The following STAG1 variants were observed in gnomAD, a reference collection of about 807,000 sequenced individuals.
STAG1 encodes the protein STAG1 cohesin complex component, also known as cohesin subunit SA-1.
STAG1 carries 26 observed loss-of-function variants against 170.9 expected under a neutral mutation model. The ratio of observed to expected loss-of-function variants is 0.15; its 90% CI spans 0.11 to 0.21. The LOEUF is 0.21. STAG1 is among the 10% of genes least tolerant of loss of function. The pLI is 1.00. For missense variants in STAG1, 964 were observed against 1,509.5 expected (o/e 0.64, Z 5.99); for synonymous variants, 514 against 497.7 (o/e 1.03, Z -0.44).
intron 12 of STAG1, among the ~76,000 whole-genome samples, chr3:136,470,703 T>C (rs1337644154): frequency 6.6e-6 from 1 of 152,202 alleles, no homozygotes; most frequent in African/African-American, 2.4e-5. Flanking sequence ...ATTGCGGCAC[T>C]ATTCACAATA....
At chr3:136,612,363 T>C (rs1003522177) in intron 3 of STAG1, among the ~76,000 whole-genome samples, 1 of 151,896 alleles carries the variant, frequency 6.6e-6, no homozygotes, top group Non-Finnish European at 1.5e-5. Context: ...TCCCCGTACA[T>C]TGAGAGGACA....
intron 20 of STAG1, among the ~76,000 whole-genome samples, chr3:136,420,528 A>T (rs2087921640): frequency 6.6e-6 from 1 of 152,170 alleles, no homozygotes; most frequent in Admixed American, 6.5e-5. Context: ...AATGTCAAAC[A>T]CAACAATCAG....
chr3:136,641,689 T>C (rs1181760358), intron 1 of STAG1, among the ~76,000 whole-genome samples: 7 of 152,306 alleles, frequency 4.6e-5, no homozygotes, highest in Admixed American at 2.0e-4. Flanking sequence ...AAAACTAAAC[T>C]CGTGTGATCA....
At chr3:136,364,517 T>G (rs892833422) in intron 25 of STAG1, among the ~76,000 whole-genome samples, 5 of 151,316 alleles carry the variant, frequency 3.3e-5, no homozygotes, top group Admixed American at 6.6e-5. Context: ...TGGGCCTAAA[T>G]AGGGGGAAGG....
chr3:136,378,971 A>C (rs577416052), intron 22 of STAG1, among the ~76,000 whole-genome samples: 309 of 152,328 alleles, frequency 2.0e-3, no homozygotes, highest in Non-Finnish European at 3.3e-3. Context: ...AGATGACAGC[A>C]CTTAGTCTTT....
At chr3:136,667,376 C>T (rs1376239071) in intron 1 of STAG1, among the ~76,000 whole-genome samples, 1 of 151,830 alleles carries the variant, frequency 6.6e-6, no homozygotes, top group Non-Finnish European at 1.5e-5. Flanking sequence ...AGCAAAACCC[C>T]ATCTCTTAAC....
intron 25 of STAG1, among the ~76,000 whole-genome samples, chr3:136,365,290 T>C (rs1338987204): frequency 6.6e-6 from 1 of 152,124 alleles, no homozygotes; most frequent in Non-Finnish European, 1.5e-5. Flanking sequence ...GGAACTGACA[T>C]CCAGGTTTAG....
At chr3:136,629,351 G>C (rs1166571466) in intron 2 of STAG1, among the ~76,000 whole-genome samples, 1 of 152,040 alleles carries the variant, frequency 6.6e-6, no homozygotes, top group African/African-American at 2.4e-5. Context: ...CATAAGACCT[G>C]AGCTAAGACT....
chr3:136,419,066 G>A (rs1364507719), intron 20 of STAG1, among the ~76,000 whole-genome samples: 1 of 152,174 alleles, frequency 6.6e-6, no homozygotes, highest in Non-Finnish European at 1.5e-5. Flanking sequence ...GGAAAAATGG[G>A]AAAGCTCAAA....
At chr3:136,367,137 A>C in intron 24 of STAG1, 55 bp from the exon 25 acceptor site, 2 of 1,380,072 alleles carry the variant, frequency 1.4e-6, no homozygotes, top group South Asian at 2.8e-5. Flanking sequence ...CACGTAAAAC[A>C]ATGCAGATAA....
intron 22 of STAG1, among the ~76,000 whole-genome samples, chr3:136,384,262 C>T (rs571419510): frequency 1.1e-3 from 162 of 151,466 alleles, no homozygotes; most frequent in African/African-American, 3.7e-3. Context: ...ACCAGCCTGG[C>T]CAACATGGCA....
chr3:136,639,185 G>GAAAAAAAA (rs10681540), intron 1 of STAG1, among the ~76,000 whole-genome samples: 8 of 115,622 alleles, frequency 6.9e-5, no homozygotes, highest in African/African-American at 8.8e-5. Context: ...AAAGAAAAAA[G>GAAAAAAAA]AAAAGAAAAA....
intron 1 of STAG1, among the ~76,000 whole-genome samples, chr3:136,749,112 C>A (rs1253086903): frequency 6.6e-6 from 1 of 152,068 alleles, no homozygotes; most frequent in Non-Finnish European, 1.5e-5. Flanking sequence ...GTGGGAGAGA[C>A]CTGTAGATAT....
At chr3:136,620,579 A>C (rs1033658482) in intron 3 of STAG1, among the ~76,000 whole-genome samples, 1 of 152,216 alleles carries the variant, frequency 6.6e-6, no homozygotes, top group African/African-American at 2.4e-5. Flanking sequence ...TCATAACACT[A>C]GTGTGAGGAT....
At chr3:136,470,870 A>G (rs1559823748) in intron 12 of STAG1, among the ~76,000 whole-genome samples, 1 of 152,136 alleles carries the variant, frequency 6.6e-6, no homozygotes, top group Non-Finnish European at 1.5e-5. Flanking sequence ...ATTCTCAGGA[A>G]ACTATCACAA....
chr3:136,551,268 C>CGAGA (rs1936388867), intron 5 of STAG1, among the ~76,000 whole-genome samples: 1 of 79,584 alleles, frequency 1.3e-5, no homozygotes, highest in African/African-American at 4.9e-5. Flanking sequence ...AGAGGGAGAG[C>CGAGA]GAGAGAGCGT....
chr3:136,489,582 T>C lies in STAG1; in HGVS notation c.902+10641A>G, dbSNP rs564123911. The stretch of plus-strand genomic sequence containing the variant: ...GAATGGCCAAAAAAGGCACACTCTC[T>C]AAATTGCAGCACCCAGTGAATTCAG... On this transcript the variant is annotated intron_variant, in intron 9 of 33. Coordinates refer to ENST00000383202, the MANE Select transcript of STAG1 (RefSeq NM_005862.3). Among the ~76,000 whole-genome samples, 6 of 152,256 alleles carry C rather than the reference T, an allele frequency of 3.9e-5. No homozygotes were observed. The East Asian group carries it at 7.7e-4, about 20-fold the overall frequency.
At chr3:136,611,164 T>G (rs1479087606) in intron 3 of STAG1, among the ~76,000 whole-genome samples, 1 of 152,208 alleles carries the variant, frequency 6.6e-6, no homozygotes. Context: ...TTTTTTTTTC[T>G]TTTAGACACA....
At chr3:136,416,633 G>C (rs777572973) in intron 21 of STAG1, among the ~76,000 whole-genome samples, 3 of 152,168 alleles carry the variant, frequency 2.0e-5, no homozygotes, top group Non-Finnish European at 4.4e-5. Context: ...TTTTATTTAG[G>C]TTGCTGGTCT....
Sources: gnomAD v4.1 joint callset for allele counts (sites outside exome capture counted in the v4.1 genomes callset) on GRCh38, gnomAD v4.1.1 for gene constraint, MANE v1.5 for transcripts, NCBI Gene and HGNC (gene_info 2026-07-23, HGNC 2026-07-21) for gene names.